Variants in KCNIP1 observed in about 807,000 individuals in gnomAD.
KCNIP1 encodes potassium voltage-gated channel interacting protein 1, also known as A-type potassium channel modulatory protein KCNIP1.
Under a neutral mutation model 33.0 loss-of-function variants are expected in KCNIP1, and 18 were observed. The ratio of observed to expected loss-of-function variants is 0.55; its 90% confidence interval spans 0.38 to 0.81. The LOEUF (loss-of-function observed/expected upper bound fraction) is 0.81. Among genes scored for constraint, KCNIP1 ranks in the 30% least tolerant of loss-of-function variants. The pLI is 0.00. For synonymous variants in KCNIP1, 93 were observed against 98.3 expected, an observed-to-expected ratio of 0.95 and a Z score of 0.32; for missense variants, 238 against 271.6, an observed-to-expected ratio of 0.88 and a Z score of 0.87.
intron 1 of KCNIP1, among the ~76,000 whole-genome samples, chr5:170,584,202 G>T (rs1757899571): frequency 6.6e-6 from 1 of 152,216 alleles, no homozygotes. Context: ...TCTGCCATGG[G>T]CACTGGACCT....
intron 1 of KCNIP1, among the ~76,000 whole-genome samples, chr5:170,683,521 T>A (rs981597105): frequency 1.3e-5 from 2 of 152,118 alleles, no homozygotes; most frequent in African/African-American, 4.8e-5. Context: ...CCTTACCATA[T>A]GGTCCAAAAT....
rs897974892 is a variant in KCNIP1 at position 170,688,100 on chromosome 5, T to C, written c.62-30658T>C. Among the ~76,000 whole-genome samples, 9 of 152,360 alleles carry C rather than the reference T, an allele frequency of 5.9e-5. 1 individual carries two copies. In the South Asian group the frequency reaches 1.9e-3, roughly 32 times the overall value. On this transcript the variant is annotated intron_variant, in intron 1 of 7. Transcript: ENST00000328939. ...ACATGATATACTTCATATACATTAT[T>C]TCATTTAGTCCTCATGGCTACCAGG...
At chr5:170,700,463 G>A (rs866722273) in intron 1 of KCNIP1, among the ~76,000 whole-genome samples, 9 of 152,238 alleles carry the variant, frequency 5.9e-5, no homozygotes, top group Non-Finnish European at 1.3e-4. Flanking sequence ...CTGCTACTCA[G>A]GAGGCTGAGA....
chr5:170,381,592 CCAG>C (rs1554087924), intron 1 of KCNIP1, among the ~76,000 whole-genome samples: 37 of 152,198 alleles, frequency 2.4e-4, no homozygotes, highest in Non-Finnish European at 4.6e-4. Context: ...CTGCTTCCTC[CCAG>C]CTCCTGCAGC....
chr5:170,693,206 G>A (rs1354255064), intron 1 of KCNIP1, among the ~76,000 whole-genome samples: 1 of 152,034 alleles, frequency 6.6e-6, no homozygotes, highest in African/African-American at 2.4e-5. Context: ...GCTGGTCAGT[G>A]TTCTTTGTCC....
intron 5 of KCNIP1, among the ~76,000 whole-genome samples, chr5:170,724,253 G>A (rs1294728058): frequency 1.3e-5 from 2 of 152,108 alleles, no homozygotes; most frequent in Admixed American, 6.5e-5. Context: ...GAGGAGGATG[G>A]AACATTTCCC....
At chr5:170,571,213 C>T (rs1472539818) in intron 1 of KCNIP1, among the ~76,000 whole-genome samples, 1 of 152,238 alleles carries the variant, frequency 6.6e-6, no homozygotes, top group Non-Finnish European at 1.5e-5. Flanking sequence ...CTCTGGTTGA[C>T]TCTTGCTGTC....
In KCNIP1 at chr5:170,426,358, C is replaced by T. The variant is rs1755615736; in HGVS notation, c.88+72394C>T. Among the ~76,000 whole-genome samples the T allele has an allele frequency of 2.6e-5, 4 of 152,274 alleles. No homozygotes were observed. In the South Asian group the frequency reaches 6.2e-4, roughly 24 times the overall value. On this transcript the variant is annotated intron_variant, in intron 1 of 7. Coordinates refer to the KCNIP1 transcript ENST00000377360. ...TGTTCCAGACAAACCCTGTTAATAA[C>T]ATTCTTATCCTCTTTGTTTCATTTT...
At chr5:170,367,349 A>AGGAAAGAAGGAAGG (rs372538602) in intron 1 of KCNIP1, among the ~76,000 whole-genome samples, 23 of 76,946 alleles carry the variant, frequency 3.0e-4, no homozygotes, top group African/African-American at 5.7e-4. Flanking sequence ...GAAGGAAAGA[A>AGGAAAGAAGGAAGG]AAAGAAAGAA....
intron 1 of KCNIP1, among the ~76,000 whole-genome samples, chr5:170,714,629 T>C (rs1763581424): frequency 6.6e-6 from 1 of 152,164 alleles, no homozygotes; most frequent in African/African-American, 2.4e-5. Flanking sequence ...CCTGACCCTG[T>C]GTGGGCTCAG....
At chr5:170,457,916 G>A (rs1756422307) in intron 1 of KCNIP1, among the ~76,000 whole-genome samples, 2 of 152,164 alleles carry the variant, frequency 1.3e-5, no homozygotes. Flanking sequence ...CCAGTGAAAG[G>A]CAAAGTCCAA....
intron 1 of KCNIP1, among the ~76,000 whole-genome samples, chr5:170,438,448 C>A (rs13160364): frequency 0.55 from 83,271 of 152,056 alleles, 23,152 homozygotes; most frequent in Non-Finnish European, 0.59. Context: ...CCTCGCCACT[C>A]CCCTGAAATC....
chr5:170,496,938 C>T (rs1186525468), intron 1 of KCNIP1, among the ~76,000 whole-genome samples: 1 of 152,148 alleles, frequency 6.6e-6, no homozygotes, highest in Non-Finnish European at 1.5e-5. Flanking sequence ...CTAGTCTGAT[C>T]TAGACCCCTG....
chr5:170,503,304 G>T (rs1454999212), upstream of KCNIP1, among the ~76,000 whole-genome samples: 2 of 148,538 alleles, frequency 1.3e-5, no homozygotes, highest in Non-Finnish European at 3.0e-5. Context: ...TGAGGCAGGA[G>T]AATCGCTTGA....
rs562772146 is a variant in KCNIP1 at position 170,535,955 on chromosome 5, G to C, written c.61+31322G>C. On this transcript the variant is annotated intron_variant, in intron 1 of 7. Coordinates refer to ENST00000328939, the MANE Select transcript of KCNIP1 (RefSeq NM_014592.4). ...CCAGCCCCACCAGTGTGGAGATGCAGCTCAGTCTTGCCATCTGTGAAATGG... is the reference window on the plus strand; with the variant it reads ...CCAGCCCCACCAGTGTGGAGATGCACCTCAGTCTTGCCATCTGTGAAATGG... Among the ~76,000 whole-genome samples the C allele has an allele frequency of 2.0e-5, 3 of 152,328 alleles. No homozygotes were observed. The South Asian group carries it at 6.2e-4, about 32-fold the overall frequency.
chr5:170,385,428 A>G (rs759156187), intron 1 of KCNIP1: 2 of 1,614,034 alleles, frequency 1.2e-6, no homozygotes, highest in African/African-American at 2.7e-5. Flanking sequence ...CTTCTGGGCC[A>G]TCACCAGCTT....
intron 5 of KCNIP1, among the ~76,000 whole-genome samples, chr5:170,724,686 A>C (rs575718582): frequency 1.3e-5 from 2 of 152,342 alleles, no homozygotes; most frequent in African/African-American, 4.8e-5. Flanking sequence ...ATAATTCTAC[A>C]TCCAACAAGC....
chr5:170,584,712 C>T (rs751355900), intron 1 of KCNIP1, among the ~76,000 whole-genome samples: 1 of 152,182 alleles, frequency 6.6e-6, no homozygotes, highest in Non-Finnish European at 1.5e-5. Flanking sequence ...GCAGAGGGGA[C>T]TCTTTTCCCC....
intron 1 of KCNIP1, among the ~76,000 whole-genome samples, chr5:170,646,875 C>T (rs1760806645): frequency 6.6e-6 from 1 of 152,072 alleles, no homozygotes; most frequent in Non-Finnish European, 1.5e-5. Context: ...CCTCATGTAA[C>T]TAATAAGCTA....
Sources: allele counts gnomAD v4.1 joint callset (sites outside exome capture counted in the v4.1 genomes callset), GRCh38; gene constraint gnomAD v4.1.1; transcripts MANE v1.5; gene names NCBI Gene and HGNC (gene_info 2026-07-23, HGNC 2026-07-21).